Variants in ERICH6B observed in about 807,000 individuals in gnomAD.
ERICH6B encodes the protein glutamate rich 6B.
ERICH6B carries 69 observed loss-of-function variants against 80.0 expected under a neutral mutation model. The observed-to-expected ratio is 0.86, with a 90% confidence interval of 0.71 to 1.05. ERICH6B has a LOEUF of 1.05. Ranked by LOEUF, ERICH6B falls within the 50% of genes least tolerant of loss-of-function variation. The pLI, the probability that ERICH6B is intolerant of heterozygous loss-of-function variation, is 0.00. For missense variants in ERICH6B, 754 were observed against 796.1 expected, an observed-to-expected ratio of 0.95 and a Z score of 0.64; for synonymous variants, 283 against 291.9, an observed-to-expected ratio of 0.97 and a Z score of 0.31.
chr13:45,608,160 C>T (rs187486489), intron 1 of ERICH6B, among the ~76,000 whole-genome samples: 29 of 152,188 alleles, frequency 1.9e-4, no homozygotes, highest in African/African-American at 5.3e-4. Context: ...TGGGTACACA[C>T]GATTCATTAG....
intron 5 of ERICH6B, among the ~76,000 whole-genome samples, chr13:45,581,192 T>C (rs1316596420): frequency 1.2e-4 from 18 of 152,174 alleles, no homozygotes; most frequent in Admixed American, 1.1e-3. Flanking sequence ...AGCTACTGTA[T>C]ATATATATTT....
At chr13:45,570,075 C>G (rs1433501130) in intron 8 of ERICH6B, among the ~76,000 whole-genome samples, 1 of 152,222 alleles carries the variant, frequency 6.6e-6, no homozygotes, top group African/African-American at 2.4e-5. Flanking sequence ...GTTCTCTAAA[C>G]TGTGCCACCC....
chr13:45,546,343 GA>G (rs1194050496), intron 13 of ERICH6B, among the ~76,000 whole-genome samples: 1 of 152,202 alleles, frequency 6.6e-6, no homozygotes, highest in Non-Finnish European at 1.5e-5. Context: ...ATGAAGAAAG[GA>G]AGCGATGCTG....
chr13:45,573,618 A>C (rs1220363116), intron 8 of ERICH6B, among the ~76,000 whole-genome samples: 1 of 152,234 alleles, frequency 6.6e-6, no homozygotes, highest in East Asian at 1.9e-4. Context: ...CTTTAGTAGC[A>C]AAGTCCTGGA....
intron 13 of ERICH6B, among the ~76,000 whole-genome samples, chr13:45,547,245 A>G (rs1345284703): frequency 1.3e-5 from 2 of 152,242 alleles, no homozygotes; most frequent in African/African-American, 4.8e-5. Flanking sequence ...CCTTGTTATC[A>G]TTGATGGGAG....
chr13:45,596,521 G>A lies in ERICH6B; in HGVS notation c.485C>T (p.Ala162Val), dbSNP rs200132694. 7.0e-4 allele frequency: 1,085 copies of A among 1,547,072 alleles called. 3 individuals are homozygous for A. The highest frequency in any genetic ancestry group is 2.2e-3 in the South Asian group (184 of 83,758). ...IEEVDYLGKK[A>V]YLEEEEYLGK... ...CAGATACTCCTCCTCCTCCAGATACGCTTTCTTCCCCAGATAATCTACCTC... is the reference window on the plus strand; with the variant it reads ...CAGATACTCCTCCTCCTCCAGATACACTTTCTTCCCCAGATAATCTACCTC... Residue 162 changes from alanine (A) to valine (V), a missense_variant, in exon 3 of 15, where the codon GCG (alanine) becomes GTG (valine). By Grantham distance (64) the Ala-to-Val change is moderately conservative. Coordinates refer to ENST00000298738, the MANE Select transcript of ERICH6B (RefSeq NM_182542.3).
intron 11 of ERICH6B, among the ~76,000 whole-genome samples, chr13:45,556,318 A>C (rs1055322068): frequency 6.6e-6 from 1 of 152,142 alleles, no homozygotes; most frequent in African/African-American, 2.4e-5. Flanking sequence ...TGAAGACATG[A>C]AGACTATCAC....
chr13:45,584,915 C>G (rs769303753), intron 5 of ERICH6B, among the ~76,000 whole-genome samples: 1 of 152,178 alleles, frequency 6.6e-6, no homozygotes, highest in Non-Finnish European at 1.5e-5. Context: ...CCCTCCTGCA[C>G]GGATGGTTTT....
chr13:45,553,100 G>T, intron 11 of ERICH6B: 1 of 353,370 alleles, frequency 2.8e-6, no homozygotes, highest in Non-Finnish European at 5.6e-6. Context: ...TCCTTAAACT[G>T]TTTTATCTGA....
intron 1 of ERICH6B, among the ~76,000 whole-genome samples, chr13:45,610,471 G>A (rs1949893228): frequency 6.6e-6 from 1 of 152,172 alleles, no homozygotes; most frequent in Admixed American, 6.5e-5. Flanking sequence ...TGCATGGTGT[G>A]GCCAGCCTCA....
intron 1 of ERICH6B, among the ~76,000 whole-genome samples, chr13:45,615,226 T>G (rs1028478475): frequency 2.6e-5 from 4 of 152,198 alleles, no homozygotes; most frequent in Non-Finnish European, 5.9e-5. Flanking sequence ...GCTGAGTGAC[T>G]TGCCTTTGGG....
intron 1 of ERICH6B, among the ~76,000 whole-genome samples, chr13:45,607,828 C>A (rs186759675): frequency 6.6e-6 from 1 of 152,230 alleles, no homozygotes. Flanking sequence ...TACGGTGTGC[C>A]TCTTCTGCCA....
intron 9 of ERICH6B, among the ~76,000 whole-genome samples, chr13:45,567,976 C>G (rs974724322): frequency 6.6e-6 from 1 of 152,336 alleles, no homozygotes; most frequent in East Asian, 1.9e-4. Flanking sequence ...ACTTTGCTCC[C>G]TAGACTTTTG....
chr13:45,556,404 AT>A (rs144558372), intron 11 of ERICH6B, among the ~76,000 whole-genome samples: 1 of 151,670 alleles, frequency 6.6e-6, no homozygotes, highest in Non-Finnish European at 1.5e-5. Flanking sequence ...AATTACTCTA[AT>A]TTTTTTTCCC....
At chr13:45,546,661 C>T (rs766691114) in intron 13 of ERICH6B, among the ~76,000 whole-genome samples, 5 of 152,192 alleles carry the variant, frequency 3.3e-5, no homozygotes, top group African/African-American at 1.2e-4. Context: ...GACTGCACTT[C>T]TGTCTGTAAG....
At position 45,569,624 on chromosome 13, in the gene ERICH6B, T is replaced by C. The variant is rs17066915; in HGVS notation, c.1051-1173A>G. 7.6e-3 allele frequency among the ~76,000 whole-genome samples: 1,152 copies of C among 152,316 alleles called. 15 individuals carry two copies. The highest frequency in any genetic ancestry group is 0.026 in the African/African-American group (1,100 of 41,556). Reference sequence around the variant, plus strand: ...GCTTACCAACAGGTTGAGATTGCTGTTGTTCAATGTATGATCATGGAAAAT... The same window carrying C: ...GCTTACCAACAGGTTGAGATTGCTGCTGTTCAATGTATGATCATGGAAAAT... On this transcript the variant is annotated intron_variant, in intron 8 of 14. Transcript: ENST00000298738.
Position 45,580,654 on chromosome 13 carries a change from T to C in ERICH6B, c.868A>G (p.Lys290Glu). Residue 290 changes from lysine (K) to glutamate (E), a missense_variant, in exon 6 of 15, where the codon AAA (lysine) becomes GAA (glutamate). Transcript: ENST00000298738. ...CYDRTAVKSL[K>E]SKSETEQETT... ...TCTTGCTCTGTTTCTGATTTCGATT[T>C]TAAAGATTTTACTGTTAAAAGGCAG... 1.3e-6 allele frequency: 2 copies of C among 1,551,706 alleles called. No individual in the cohort carries two copies. The highest frequency in any genetic ancestry group is 1.7e-6 in the Non-Finnish European group (2 of 1,146,996).
Position 45,587,094 on chromosome 13 carries a change from A to T in ERICH6B, c.825T>A (p.Ser275Arg), listed in dbSNP as rs1388630688. Reference protein sequence around the residue: ...LLTLYRRSQASQTDWCYDRTA... With the variant: ...LLTLYRRSQARQTDWCYDRTA... ...TTCTGTCGTAGCACCAGTCTGTCTG[A>T]CTGGCCTGGCTCCTCCTGTACAATG... is the stretch of plus-strand genomic sequence containing the variant. The change falls in exon 5 of 15, where the codon AGT (serine) becomes AGA (arginine). Residue 275 changes from serine to arginine, a missense_variant. Coordinates refer to ENST00000298738, the MANE Select transcript of ERICH6B (RefSeq NM_182542.3). 7.2e-5 allele frequency: 112 copies of T among 1,551,594 alleles called. No homozygotes were observed. The highest frequency in any genetic ancestry group is 9.2e-5 in the Non-Finnish European group (106 of 1,146,998).
chr13:45,558,688 G>A (rs1050410684), intron 11 of ERICH6B, among the ~76,000 whole-genome samples: 2 of 152,154 alleles, frequency 1.3e-5, no homozygotes, highest in Admixed American at 1.3e-4. Flanking sequence ...CTATTGAGAT[G>A]ATCATGTGAT....
Sources: gnomAD v4.1 joint callset for allele counts (sites outside exome capture counted in the v4.1 genomes callset) on GRCh38, gnomAD v4.1.1 for gene constraint, MANE v1.5 for transcripts, NCBI Gene and HGNC (gene_info 2026-07-23, HGNC 2026-07-21) for gene names.